SAMD5: variants seen among roughly 807,000 people sequenced by gnomAD.
The protein encoded by SAMD5 is sterile alpha motif domain-containing protein 5.
A neutral mutation model predicts 11.3 loss-of-function variants in SAMD5; 13 were observed. The observed-to-expected ratio is 1.15, with a 90% confidence interval of 0.75 to 1.83. The LOEUF is 1.83. Ranked by LOEUF, SAMD5 falls within the 40% of genes most tolerant of loss-of-function variation. The pLI is 0.00. For synonymous variants in SAMD5, 129 were observed against 111.3 expected, an observed-to-expected ratio of 1.16 and a Z score of -1.00; for missense variants, 255 against 239.1, an observed-to-expected ratio of 1.07 and a Z score of -0.44.
At chr6:147,608,024 G>A (rs777452807) in intron 1 of SAMD5, among the ~76,000 whole-genome samples, 1 of 152,116 alleles carries the variant, frequency 6.6e-6, no homozygotes, top group Non-Finnish European at 1.5e-5. Context: ...TGGCAAGTAA[G>A]CACATAAAAA....
At chr6:147,791,333 G>T in the SAMD5 span, among the ~76,000 whole-genome samples, 2 of 152,002 alleles carry the variant, frequency 1.3e-5, no homozygotes, top group African/African-American at 4.8e-5. Flanking sequence ...AGTTTCTAAA[G>T]ATCTCGGCTC....
chr6:147,767,653 A>C, the SAMD5 span, among the ~76,000 whole-genome samples: 4 of 152,164 alleles, frequency 2.6e-5, no homozygotes, highest in East Asian at 1.9e-4. Flanking sequence ...GAAGGTGACC[A>C]TCTGCAAGCC....
the SAMD5 span, among the ~76,000 whole-genome samples, chr6:147,832,788 G>A: frequency 2.0e-5 from 3 of 151,964 alleles, no homozygotes; most frequent in African/African-American, 4.8e-5. Flanking sequence ...TCTGTACTGC[G>A]GTACACACTA....
chr6:147,669,786 T>C (rs1429184012), intron 1 of SAMD5, among the ~76,000 whole-genome samples: 1 of 152,180 alleles, frequency 6.6e-6, no homozygotes, highest in African/African-American at 2.4e-5. Flanking sequence ...TGCAATTACT[T>C]TCTCCACTGA....
At chr6:147,736,509 A>G (rs1334255755) in intron 1 of SAMD5, among the ~76,000 whole-genome samples, 1 of 152,222 alleles carries the variant, frequency 6.6e-6, no homozygotes, top group African/African-American at 2.4e-5. Context: ...GACTACATTC[A>G]TTGAACAGCT....
chr6:147,670,087 C>T (rs966805621), intron 1 of SAMD5, among the ~76,000 whole-genome samples: 3 of 152,212 alleles, frequency 2.0e-5, no homozygotes, highest in African/African-American at 7.2e-5. Context: ...AGCATGAAAA[C>T]AGCATTCATC....
At chr6:147,894,292 T>G in the SAMD5 span, among the ~76,000 whole-genome samples, 2 of 151,974 alleles carry the variant, frequency 1.3e-5, no homozygotes, top group Admixed American at 6.6e-5. Context: ...CCCAGCTAAT[T>G]TTTATATTTT....
intron 1 of SAMD5, among the ~76,000 whole-genome samples, chr6:147,636,507 T>G (rs2128451866): frequency 6.6e-6 from 1 of 152,274 alleles, no homozygotes; most frequent in South Asian, 2.1e-4. Context: ...CTACAAAATC[T>G]TCTCATTTTG....
At chr6:147,612,795 A>T (rs1789805598) in intron 1 of SAMD5, among the ~76,000 whole-genome samples, 1 of 152,134 alleles carries the variant, frequency 6.6e-6, no homozygotes, top group Admixed American at 6.6e-5. Context: ...ATGTTATGTA[A>T]GCTCCTTTCT....
chr6:147,712,015 A>C (rs1171646115), intron 1 of SAMD5, among the ~76,000 whole-genome samples: 5 of 152,262 alleles, frequency 3.3e-5, no homozygotes, highest in Non-Finnish European at 7.3e-5. Flanking sequence ...GGGGAGATAA[A>C]GAAATTTTTG....
chr6:147,854,171 A>C, the SAMD5 span, among the ~76,000 whole-genome samples: 1 of 152,172 alleles, frequency 6.6e-6, no homozygotes, highest in African/African-American at 2.4e-5. Flanking sequence ...ACCAAAGAGA[A>C]AGTAGGAATT....
the SAMD5 span, among the ~76,000 whole-genome samples, chr6:147,804,602 G>A: frequency 2.0e-5 from 3 of 152,076 alleles, no homozygotes; most frequent in African/African-American, 4.8e-5. Context: ...ACCTGCCCTT[G>A]TAACTCATTT....
At chr6:147,622,845 A>C (rs958429166) in intron 1 of SAMD5, among the ~76,000 whole-genome samples, 1 of 152,216 alleles carries the variant, frequency 6.6e-6, no homozygotes, top group Admixed American at 6.5e-5. Context: ...GGGAGGCCTC[A>C]CAATCATGGC....
chr6:147,670,494 C>T (rs1790779920), intron 1 of SAMD5, among the ~76,000 whole-genome samples: 1 of 152,210 alleles, frequency 6.6e-6, no homozygotes, highest in Admixed American at 6.5e-5. Flanking sequence ...GCTTCATGTA[C>T]ATTGAAACTC....
intron 1 of SAMD5, among the ~76,000 whole-genome samples, chr6:147,522,345 T>C (rs1175401910): frequency 6.6e-6 from 1 of 152,178 alleles, no homozygotes; most frequent in East Asian, 1.9e-4. Context: ...CATGACTATA[T>C]TAAGGAAAAG....
At chr6:147,674,828 C>T (rs1790841449) in intron 1 of SAMD5, among the ~76,000 whole-genome samples, 2 of 152,156 alleles carry the variant, frequency 1.3e-5, no homozygotes, top group Admixed American at 6.5e-5. Flanking sequence ...AGAAACTGCC[C>T]ACTCTCCTTC....
chr6:147,671,029 C>T (rs973294436), intron 1 of SAMD5, among the ~76,000 whole-genome samples: 5 of 152,182 alleles, frequency 3.3e-5, no homozygotes, highest in Non-Finnish European at 5.9e-5. Context: ...CACTTGAACA[C>T]TTCGAGATCA....
the SAMD5 span, among the ~76,000 whole-genome samples, chr6:147,891,170 A>G: frequency 6.6e-6 from 1 of 152,218 alleles, no homozygotes; most frequent in South Asian, 2.1e-4. Context: ...AGTATCAGCC[A>G]TGGTTACCTC....
At position 147,565,287 on chromosome 6, in the gene SAMD5, A is replaced by G. The variant is rs978814154; in HGVS notation, c.*831A>G. 1 of 985,888 alleles carries G rather than the reference A, an allele frequency of 1.0e-6. No homozygotes were observed. The highest frequency in any genetic ancestry group is 1.2e-6 in the Non-Finnish European group (1 of 829,968). The allele number at this position is 985,888 out of a possible 1,614,324, so 61.1% of individuals were successfully genotyped here. On this transcript the variant is annotated 3_prime_UTR_variant, in exon 2 of 2. Coordinates refer to ENST00000367474, the MANE Select transcript of SAMD5 (RefSeq NM_001030060.3). The stretch of plus-strand genomic sequence containing the variant: ...AGTGCTTTATCCCACCTTGCTCTCC[A>G]GGCTTCTGACTTCAGGCCTGTGGGG...
Sources: allele counts gnomAD v4.1 joint callset (sites outside exome capture counted in the v4.1 genomes callset), GRCh38; gene constraint gnomAD v4.1.1; transcripts MANE v1.5; gene names NCBI Gene and HGNC (gene_info 2026-07-23, HGNC 2026-07-21).